The following ERBB4 variants were observed in gnomAD, a reference collection of about 807,000 sequenced individuals.
ERBB4 encodes the protein erb-b2 receptor tyrosine kinase 4, also known as receptor tyrosine-protein kinase erbB-4.
In ERBB4, 42 loss-of-function variants were observed where a neutral mutation model predicts 158.0. That is an observed-to-expected ratio of 0.27 (90% CI 0.21 to 0.34). ERBB4 has a LOEUF of 0.34. Among genes scored for constraint, ERBB4 ranks in the 10% least tolerant of loss-of-function variants. The pLI is 1.00. For missense variants in ERBB4, 1,333 were observed against 1,624.1 expected (o/e 0.82, Z 3.08); for synonymous variants, 583 against 558.7 (o/e 1.04, Z -0.61).
In ERBB4 at chr2:211,424,261, G is replaced by C; in HGVS notation, c.2760C>G (p.Pro920=). 6.2e-7 allele frequency: 1 copy of C among 1,612,966 alleles called. No individual in the cohort carries two copies. The highest frequency in any genetic ancestry group is 8.5e-7 in the Non-Finnish European group (1 of 1,179,302). The change falls in exon 23 of 28, where the codon CCC becomes CCG. Residue 920 remains proline (P), a synonymous_variant. Coordinates refer to ENST00000342788, the MANE Select transcript of ERBB4 (RefSeq NM_005235.3). Reference sequence around the variant, plus strand: ...TTTCTCGCGTTGGAATTCCATCATAGGGTTTTCCTCCAAAGGTCATCAGTT... The same window carrying C: ...TTTCTCGCGTTGGAATTCCATCATACGGTTTTCCTCCAAAGGTCATCAGTT... The part of the protein sequence containing the change: ...IWELMTFGGK[P]YDGIPTREIP...
intron 16 of ERBB4, among the ~76,000 whole-genome samples, chr2:211,644,682 C>T (rs1291605068): frequency 1.3e-5 from 2 of 151,876 alleles, no homozygotes; most frequent in East Asian, 1.9e-4. Flanking sequence ...AACAATCAGC[C>T]ATATGTAATG....
At chr2:212,516,071 C>A (rs1478153300) in intron 1 of ERBB4, among the ~76,000 whole-genome samples, 1 of 151,754 alleles carries the variant, frequency 6.6e-6, no homozygotes. Context: ...AAAATAAGTA[C>A]AAAACCTGGT....
intron 1 of ERBB4, among the ~76,000 whole-genome samples, chr2:212,242,037 A>G (rs2084127054): frequency 6.6e-6 from 1 of 151,988 alleles, no homozygotes; most frequent in Admixed American, 6.6e-5. Context: ...GACATTTTAT[A>G]TGCTATAGAT....
chr2:211,958,679 T>C (rs1361102338), intron 2 of ERBB4, among the ~76,000 whole-genome samples: 1 of 152,072 alleles, frequency 6.6e-6, no homozygotes, highest in African/African-American at 2.4e-5. Context: ...GAAGTATTTT[T>C]TCAAAAAGTG....
chr2:211,886,789 C>G (rs2078812960), intron 3 of ERBB4, among the ~76,000 whole-genome samples: 1 of 152,168 alleles, frequency 6.6e-6, no homozygotes, highest in South Asian at 2.1e-4. Flanking sequence ...TGCAGACTGT[C>G]CTATTACTTG....
intron 2 of ERBB4, among the ~76,000 whole-genome samples, chr2:211,988,341 T>C (rs1431293859): frequency 5.3e-5 from 8 of 152,090 alleles, no homozygotes; most frequent in Admixed American, 1.3e-4. Flanking sequence ...CCTCATCCCC[T>C]TATCCATAAA....
intron 1 of ERBB4, among the ~76,000 whole-genome samples, chr2:212,345,265 C>CAAAAAAAAAAAAAAAAAAAAAAAAAA (rs367985477): frequency 0.011 from 822 of 77,520 alleles, 171 homozygotes; most frequent in Middle Eastern, 0.021. Flanking sequence ...GACTCCGTCT[C>CAAAAAAAAAAAAAAAAAAAAAAAAAA]AAAAAAAAAA....
At chr2:211,432,328 T>C (rs1237123251) in intron 20 of ERBB4, among the ~76,000 whole-genome samples, 1 of 152,116 alleles carries the variant, frequency 6.6e-6, no homozygotes. Flanking sequence ...CCTGGTGTAG[T>C]GTAAAGAGAA....
At chr2:211,496,368 G>A (rs1209339109) in intron 20 of ERBB4, among the ~76,000 whole-genome samples, 2 of 151,804 alleles carry the variant, frequency 1.3e-5, no homozygotes, top group African/African-American at 4.8e-5. Flanking sequence ...TATGTTATGT[G>A]TGCAAATCTG....
chr2:211,621,287 T>C (rs936448605), intron 18 of ERBB4, among the ~76,000 whole-genome samples: 1 of 152,100 alleles, frequency 6.6e-6, no homozygotes, highest in African/African-American at 2.4e-5. Context: ...CTGATACACA[T>C]GATATTGGTC....
At chr2:212,224,566 C>G (rs10172672) in intron 1 of ERBB4, among the ~76,000 whole-genome samples, 1 of 151,692 alleles carries the variant, frequency 6.6e-6, no homozygotes, top group Middle Eastern at 3.4e-3. Flanking sequence ...TTCACACACA[C>G]AAGAAAAGGA....
chr2:212,259,016 A>G (rs1481988534), intron 1 of ERBB4, among the ~76,000 whole-genome samples: 1 of 152,182 alleles, frequency 6.6e-6, no homozygotes, highest in Admixed American at 6.5e-5. Flanking sequence ...AGATTGACTT[A>G]TGGATGGACC....
intron 1 of ERBB4, among the ~76,000 whole-genome samples, chr2:212,133,647 GAA>G (rs771916986): frequency 2.2e-5 from 3 of 137,042 alleles, no homozygotes; most frequent in Non-Finnish European, 3.2e-5. Flanking sequence ...GAACTAGAAT[GAA>G]AAAAAAAAAA....
chr2:211,441,592 G>A (rs1263173969), intron 20 of ERBB4, among the ~76,000 whole-genome samples: 1 of 152,130 alleles, frequency 6.6e-6, no homozygotes, highest in East Asian at 1.9e-4. Context: ...GATATCTGCA[G>A]TTGTTGAACC....
At chr2:211,414,010 C>T (rs1051885186) in intron 25 of ERBB4, among the ~76,000 whole-genome samples, 2 of 151,960 alleles carry the variant, frequency 1.3e-5, no homozygotes, top group African/African-American at 2.4e-5. Context: ...CAGTCCACTG[C>T]GGGCACGCCC....
chr2:211,665,266 A>G (rs1041003154), intron 15 of ERBB4, 57 bp downstream of exon 15: 22 of 1,550,572 alleles, frequency 1.4e-5, no homozygotes, highest in Non-Finnish European at 1.9e-5. Flanking sequence ...TACCAGGGAT[A>G]AAGATACATG....
At position 211,553,802 on chromosome 2, in the gene ERBB4, A is replaced by G. The variant is rs1252860414; in HGVS notation, c.2487+8101T>C. ...ATCTGTAGGCTAAACACAAACTAGT[A>G]CCAGACTACACATTTTAAATTCTTA... is the stretch of plus-strand genomic sequence containing the variant. On this transcript the variant is annotated intron_variant, in intron 20 of 27. Coordinates refer to ENST00000342788, the MANE Select transcript of ERBB4 (RefSeq NM_005235.3). 2.0e-5 allele frequency among the ~76,000 whole-genome samples: 3 copies of G among 152,188 alleles called. No individual in the cohort carries two copies. In the East Asian group the frequency reaches 5.8e-4, roughly 29 times the overall value.
intron 1 of ERBB4, among the ~76,000 whole-genome samples, chr2:212,182,603 A>C (rs2081903194): frequency 6.6e-6 from 1 of 151,866 alleles, no homozygotes; most frequent in East Asian, 1.9e-4. Context: ...AGCATATTTT[A>C]TTTCAGTGGT....
At chr2:212,453,130 T>C (rs140244711) in intron 1 of ERBB4, among the ~76,000 whole-genome samples, 92 of 152,286 alleles carry the variant, frequency 6.0e-4, no homozygotes, top group Non-Finnish European at 6.2e-4. Flanking sequence ...ACCCACAGGA[T>C]TGTTATGAGG....
Sources: gnomAD v4.1 joint callset for allele counts (sites outside exome capture counted in the v4.1 genomes callset) on GRCh38, gnomAD v4.1.1 for gene constraint, MANE v1.5 for transcripts, NCBI Gene and HGNC (gene_info 2026-07-23, HGNC 2026-07-21) for gene names.